The following TRIQK variants were observed in gnomAD, a reference collection of about 807,000 sequenced individuals.
TRIQK encodes the protein triple QxxK/R motif-containing protein.
TRIQK carries 10 observed loss-of-function variants against 10.8 expected under a neutral mutation model. The ratio of observed to expected loss-of-function variants is 0.92; its 90% CI spans 0.57 to 1.57. TRIQK has a LOEUF of 1.57. Ranked by LOEUF, TRIQK falls within the 40% of genes most tolerant of loss-of-function variation. The pLI is 0.00. For missense variants in TRIQK, 107 were observed against 97.7 expected (o/e 1.09, Z -0.40); for synonymous variants, 33 against 33.7 (o/e 0.98, Z 0.07).
intron 3 of TRIQK, among the ~76,000 whole-genome samples, chr8:92,898,994 T>C (rs1249432300): frequency 6.7e-6 from 1 of 149,956 alleles, no homozygotes; most frequent in Non-Finnish European, 1.5e-5. Flanking sequence ...AATCTGATTA[T>C]ACTACTTTTT....
At chr8:92,994,836 C>G (rs192516747) in intron 1 of TRIQK, among the ~76,000 whole-genome samples, 1,887 of 151,998 alleles carry the variant, frequency 0.012, 21 homozygotes, top group Non-Finnish European at 0.018. Context: ...TCCCTACAAA[C>G]TCCTTGTTTC....
At chr8:92,940,578 A>G (rs1316117610) in intron 2 of TRIQK, among the ~76,000 whole-genome samples, 1 of 152,228 alleles carries the variant, frequency 6.6e-6, no homozygotes, top group Non-Finnish European at 1.5e-5. Context: ...AAAGGATTTA[A>G]TGTTTGTAAA....
intron 1 of TRIQK, among the ~76,000 whole-genome samples, chr8:92,975,597 A>G (rs1323366661): frequency 6.6e-6 from 1 of 151,756 alleles, no homozygotes; most frequent in Non-Finnish European, 1.5e-5. Context: ...CTAGAGCTTT[A>G]ATTTTATTAC....
At chr8:92,979,431 A>G (rs1234035539) in intron 1 of TRIQK, among the ~76,000 whole-genome samples, 2 of 152,130 alleles carry the variant, frequency 1.3e-5, no homozygotes, top group Non-Finnish European at 2.9e-5. Context: ...GTCAATCTGA[A>G]CATTTAAGCC....
At chr8:92,905,911 A>G (rs1323389318) in intron 3 of TRIQK, among the ~76,000 whole-genome samples, 2 of 152,198 alleles carry the variant, frequency 1.3e-5, no homozygotes, top group Non-Finnish European at 2.9e-5. Flanking sequence ...CTACCTTGTC[A>G]TGAGACTCAG....
rs1224205156 is a variant in TRIQK at position 92,954,438 on chromosome 8, A to C, written c.-54T>G. ...TGTGTCTTTGATGCTGCCAAGTCTA[A>C]ACTCTGGAGAGCTGCCAAGGGGTAA... is the stretch of plus-strand genomic sequence containing the variant. On this transcript the variant is annotated 5_prime_UTR_variant, in exon 2 of 5. Transcript: ENST00000521988. The C allele has an allele frequency of 1.3e-5, 2 of 151,990 alleles. No homozygotes were observed. The highest frequency in any genetic ancestry group is 3.9e-4 in the East Asian group (2 of 5,186). The allele number at this position is 151,990 out of a possible 1,614,324, so 9.4% of individuals were successfully genotyped here.
chr8:92,937,728 C>A (rs555945839), intron 2 of TRIQK, among the ~76,000 whole-genome samples: 105 of 151,790 alleles, frequency 6.9e-4, no homozygotes, highest in African/African-American at 2.4e-3. Flanking sequence ...CTTTCATAAT[C>A]TATCTTCAAA....
chr8:92,967,004 T>C (rs1318742582), upstream of TRIQK, among the ~76,000 whole-genome samples: 1 of 73,212 alleles, frequency 1.4e-5, no homozygotes, highest in Non-Finnish European at 2.7e-5. Context: ...AAAAAAAAAC[T>C]GAGACAAGTA....
chr8:92,968,936 C>G (rs566902746), upstream of TRIQK, among the ~76,000 whole-genome samples: 1 of 152,162 alleles, frequency 6.6e-6, no homozygotes, highest in Admixed American at 6.5e-5. Context: ...GGTTTTAGGT[C>G]TTACGTTTAA....
At position 92,885,069 on chromosome 8, in the gene TRIQK, G is replaced by A. The variant is rs1356573282; in HGVS notation, c.*1553C>T. 3 of 448,028 alleles carry A rather than the reference G, an allele frequency of 6.7e-6. No individual in the cohort carries two copies. The highest frequency in any genetic ancestry group is 1.4e-5 in the Non-Finnish European group (3 of 220,208). 27.8% of individuals were successfully genotyped at this position (448,028 alleles called of 1,614,324 possible). A position where few individuals can be genotyped will look rare whatever the true frequency, so the allele number is the denominator to read the frequency against. On this transcript the variant is annotated 3_prime_UTR_variant, in exon 5 of 5. Transcript: ENST00000521988. Reference sequence around the variant, plus strand: ...CTTGGTCTGTCTCTTGAGTCTGTGAGTTCAAAGGGAAGAATCTAGTAAATA... The same window carrying A: ...CTTGGTCTGTCTCTTGAGTCTGTGAATTCAAAGGGAAGAATCTAGTAAATA...
intron 1 of TRIQK, among the ~76,000 whole-genome samples, chr8:93,004,197 G>T (rs2130758954): frequency 6.6e-6 from 1 of 152,298 alleles, no homozygotes; most frequent in Non-Finnish European, 1.5e-5. Flanking sequence ...GGACACCCAG[G>T]CATTTCCGTA....
At chr8:93,001,230 C>A (rs1165825787) in intron 1 of TRIQK, among the ~76,000 whole-genome samples, 1 of 151,318 alleles carries the variant, frequency 6.6e-6, no homozygotes, top group Non-Finnish European at 1.5e-5. Context: ...TGGTGTGAAC[C>A]CAGGAGGTAG....
At chr8:92,972,647 C>G (rs754693709) in intron 1 of TRIQK, 1 of 152,312 alleles carries the variant, frequency 6.6e-6, no homozygotes, top group Non-Finnish European at 1.5e-5. Flanking sequence ...CTTTCACACC[C>G]GGGCCAAGAA....
intron 2 of TRIQK, among the ~76,000 whole-genome samples, chr8:92,936,833 A>G (rs1811011525): frequency 6.6e-6 from 1 of 151,818 alleles, no homozygotes; most frequent in South Asian, 2.1e-4. Context: ...TATATATAAA[A>G]TTCTAATTTA....
chr8:92,891,901 T>C (rs1816784669), intron 4 of TRIQK, 88 bp downstream of exon 4: 1 of 937,608 alleles, frequency 1.1e-6, no homozygotes, highest in Non-Finnish European at 1.5e-6. Flanking sequence ...TCATAAAACA[T>C]TTAGAATTCA....
At chr8:92,950,063 T>A (rs746272025) in intron 2 of TRIQK, among the ~76,000 whole-genome samples, 7 of 152,190 alleles carry the variant, frequency 4.6e-5, no homozygotes, top group Non-Finnish European at 1.0e-4. Context: ...TTTAAATATC[T>A]TCTATCATCA....
At chr8:93,003,431 T>A (rs1430299086) in intron 1 of TRIQK, among the ~76,000 whole-genome samples, 1 of 151,688 alleles carries the variant, frequency 6.6e-6, no homozygotes, top group African/African-American at 2.4e-5. Flanking sequence ...GAAATCAGCT[T>A]CCATGATCCA....
At chr8:92,967,338 A>G (rs1432171058), upstream of TRIQK, among the ~76,000 whole-genome samples, 4 of 152,170 alleles carry the variant, frequency 2.6e-5, no homozygotes, top group Admixed American at 2.0e-4. Context: ...TTGAGATTCA[A>G]TTAAAATGTT....
At chr8:92,910,902 A>C (rs917652006) in intron 3 of TRIQK, among the ~76,000 whole-genome samples, 2 of 151,506 alleles carry the variant, frequency 1.3e-5, no homozygotes, top group African/African-American at 2.4e-5. Flanking sequence ...TTTTTCACTA[A>C]ATGACAGCTA....
Sources: allele counts gnomAD v4.1 joint callset (sites outside exome capture counted in the v4.1 genomes callset), GRCh38; gene constraint gnomAD v4.1.1; transcripts MANE v1.5; gene names NCBI Gene and HGNC (gene_info 2026-07-23, HGNC 2026-07-21).